The following TNR variants were observed in gnomAD, a reference collection of about 807,000 sequenced individuals.
The protein encoded by TNR is tenascin R.
A neutral mutation model predicts 150.4 loss-of-function variants in TNR; 45 were observed. That is an observed-to-expected ratio of 0.30 (90% CI 0.24 to 0.38). The LOEUF is 0.38. Among genes scored for constraint, TNR ranks in the 10% least tolerant of loss-of-function variants. The pLI, the probability that TNR is intolerant of heterozygous loss-of-function variation, is 1.00. For synonymous variants in TNR, 687 were observed against 678.4 expected (o/e 1.01, Z -0.20); for missense variants, 1,544 against 1,759.1 (o/e 0.88, Z 2.19).
chr1:175,651,888 G>T (rs1174915897), intron 1 of TNR, among the ~76,000 whole-genome samples: 2 of 151,422 alleles, frequency 1.3e-5, no homozygotes, highest in African/African-American at 4.8e-5. Flanking sequence ...TTCCAGAAAA[G>T]AAAGGATAGT....
intron 18 of TNR, among the ~76,000 whole-genome samples, chr1:175,350,179 C>T (rs1369108744): frequency 6.6e-6 from 1 of 152,166 alleles, no homozygotes; most frequent in Non-Finnish European, 1.5e-5. Flanking sequence ...TAAAAAGCCC[C>T]ACAGAACAGC....
rs145031084 is a variant in TNR, at chr1:175,665,352, G to C, written c.-165+77874C>G. 2.9e-4 allele frequency among the ~76,000 whole-genome samples: 44 copies of C among 152,320 alleles called. 1 individual carries two copies. In the East Asian group the frequency reaches 8.3e-3, roughly 29 times the overall value. ...TGTGTAAGAGATACTGCCAGGCACA[G>C]CTCCCCGACTGGCTTCCAGGTGGTG... On this transcript the variant is annotated intron_variant, in intron 1 of 22. Coordinates refer to ENST00000367674, the MANE Select transcript of TNR (RefSeq NM_003285.3).
At chr1:175,656,780 G>A (rs1373125214) in intron 1 of TNR, among the ~76,000 whole-genome samples, 1 of 152,108 alleles carries the variant, frequency 6.6e-6, no homozygotes, top group Non-Finnish European at 1.5e-5. Context: ...ACGTGGCTGT[G>A]TTTGTGTGAG....
chr1:175,343,220 G>T (rs768044519), intron 18 of TNR, among the ~76,000 whole-genome samples: 4 of 152,094 alleles, frequency 2.6e-5, no homozygotes, highest in Admixed American at 2.6e-4. Flanking sequence ...AGCCCTGTAC[G>T]CTCCGTCTCT....
intron 2 of TNR, among the ~76,000 whole-genome samples, chr1:175,436,561 C>T (rs548192287): frequency 2.0e-5 from 3 of 152,216 alleles, no homozygotes; most frequent in South Asian, 2.1e-4. Flanking sequence ...GGGCTAAATG[C>T]CCCAATTAAA....
intron 2 of TNR, among the ~76,000 whole-genome samples, chr1:175,417,794 CT>C (rs1654567209): frequency 6.6e-6 from 1 of 152,174 alleles, no homozygotes; most frequent in South Asian, 2.1e-4. Context: ...CAAATTCATG[CT>C]GTTTCCAATT....
At chr1:175,456,120 A>G (rs1244098846) in intron 2 of TNR, among the ~76,000 whole-genome samples, 1 of 152,168 alleles carries the variant, frequency 6.6e-6, no homozygotes, top group African/African-American at 2.4e-5. Context: ...CAGCCACACT[A>G]GCTTTCCTGA....
intron 1 of TNR, among the ~76,000 whole-genome samples, chr1:175,673,464 G>A (rs201850195): frequency 8.3e-6 from 1 of 120,618 alleles, no homozygotes; most frequent in Non-Finnish European, 1.8e-5. Flanking sequence ...TGGATAAACA[G>A]TTAAGTGTTT....
At chr1:175,646,153 C>G (rs998636376) in intron 1 of TNR, among the ~76,000 whole-genome samples, 5 of 152,186 alleles carry the variant, frequency 3.3e-5, no homozygotes, top group African/African-American at 1.2e-4. Flanking sequence ...CCCACACTTT[C>G]TTCCTTATCC....
intron 5 of TNR, among the ~76,000 whole-genome samples, chr1:175,395,184 G>T (rs917248336): frequency 6.6e-6 from 1 of 152,178 alleles, no homozygotes; most frequent in African/African-American, 2.4e-5. Flanking sequence ...AAGGGGACAA[G>T]ATGACTTCTT....
chr1:175,447,891 T>A (rs971063401), intron 2 of TNR, among the ~76,000 whole-genome samples: 15 of 152,218 alleles, frequency 9.9e-5, no homozygotes, highest in Non-Finnish European at 2.1e-4. Flanking sequence ...GAGGTTGTTA[T>A]GAGGATTTAA....
At chr1:175,331,063 T>TTCTTTCCTTC (rs1557867859) in intron 20 of TNR, among the ~76,000 whole-genome samples, 7 of 127,998 alleles carry the variant, frequency 5.5e-5, no homozygotes, top group Admixed American at 2.4e-4. Flanking sequence ...CTTTCTTTCT[T>TTCTTTCCTTC]TCTTTCTTTC....
chr1:175,397,529 C>G lies in TNR; in HGVS notation c.977-722G>C, dbSNP rs115378602. Among the ~76,000 whole-genome samples, 662 of 152,334 alleles carry G rather than the reference C, an allele frequency of 4.3e-3. 4 individuals are homozygous for G. The highest frequency in any genetic ancestry group is 0.015 in the African/African-American group (640 of 41,574). On this transcript the variant is annotated intron_variant, in intron 4 of 22. Coordinates refer to ENST00000367674, the MANE Select transcript of TNR (RefSeq NM_003285.3). ...CTGATTTGGCAAGTGGAAATAAAGACTCATTCCTGATTATCTTGCAAATTA... is the reference window on the plus strand; with the variant it reads ...CTGATTTGGCAAGTGGAAATAAAGAGTCATTCCTGATTATCTTGCAAATTA...
Position 175,320,165 on chromosome 1 carries a change from C to A in TNR, c.*3192G>T, listed in dbSNP as rs1296248741. ...TTCCTTTTGAGTCCCTTGAGGGAAA[C>A]TGGTGTGCATAGGGTGGGTGCTTTG... On this transcript the variant is annotated 3_prime_UTR_variant, in exon 23 of 23. Coordinates refer to ENST00000367674, the MANE Select transcript of TNR (RefSeq NM_003285.3). 6.6e-6 allele frequency: 1 copy of A among 152,204 alleles called. No homozygotes were observed. Among genetic ancestry groups the A allele is most frequent in the African/African-American group, 2.4e-5 (1 of 41,396 alleles). The allele number at this position is 152,204 out of a possible 1,614,324, so 9.4% of individuals were successfully genotyped here.
intron 1 of TNR, among the ~76,000 whole-genome samples, chr1:175,721,980 G>A (rs1211783575): frequency 6.6e-6 from 1 of 152,014 alleles, no homozygotes; most frequent in African/African-American, 2.4e-5. Context: ...TACCCCAGCT[G>A]TGACTGGCTT....
intron 2 of TNR, among the ~76,000 whole-genome samples, chr1:175,419,942 C>T (rs1400183800): frequency 6.6e-6 from 1 of 152,202 alleles, no homozygotes; most frequent in African/African-American, 2.4e-5. Flanking sequence ...CAGCAGGCTA[C>T]CTTGCCCTGG....
chr1:175,377,597 TCTC>T (rs1441405022), intron 9 of TNR, among the ~76,000 whole-genome samples: 1 of 151,750 alleles, frequency 6.6e-6, no homozygotes, highest in Non-Finnish European at 1.5e-5. Context: ...TATCTTCTCA[TCTC>T]CTTGCTGTGC....
intron 1 of TNR, among the ~76,000 whole-genome samples, chr1:175,628,837 C>G (rs1299915537): frequency 6.6e-6 from 1 of 152,230 alleles, no homozygotes; most frequent in East Asian, 1.9e-4. Context: ...TTCCACTTGT[C>G]TATCAGATCC....
At chr1:175,740,788 G>C (rs935827341) in intron 1 of TNR, among the ~76,000 whole-genome samples, 1 of 152,214 alleles carries the variant, frequency 6.6e-6, no homozygotes, top group Non-Finnish European at 1.5e-5. Flanking sequence ...GCCACATTCA[G>C]AGCCACAGAG....
Sources: allele counts gnomAD v4.1 joint callset (sites outside exome capture counted in the v4.1 genomes callset), GRCh38; gene constraint gnomAD v4.1.1; transcripts MANE v1.5; gene names NCBI Gene and HGNC (gene_info 2026-07-23, HGNC 2026-07-21).